The following BAX variants were observed in gnomAD, a reference collection of about 807,000 sequenced individuals.
The protein encoded by BAX is apoptosis regulator BAX.
A neutral mutation model predicts 26.8 loss-of-function variants in BAX; 21 were observed. The ratio of observed to expected loss-of-function variants is 0.78; its 90% CI spans 0.56 to 1.13. The LOEUF (loss-of-function observed/expected upper bound fraction) is 1.13. Ranked by LOEUF, BAX falls within the 50% of genes most tolerant of loss-of-function variation. BAX has a pLI of 0.00. For missense variants in BAX, 236 were observed against 254.6 expected (o/e 0.93, Z 0.50); for synonymous variants, 110 against 101.8 (o/e 1.08, Z -0.49).
chr19:48,957,265 C>CTTTTTTTTTTTTTTTTTT (rs61415800), intron 4 of BAX, among the ~76,000 whole-genome samples: 1 of 54,934 alleles, frequency 1.8e-5, no homozygotes, highest in Non-Finnish European at 3.1e-5. Flanking sequence ...TTTTTCTTTT[C>CTTTTTTTTTTTTTTTTTT]TTTTTTTTTT....
At chr19:48,961,164 G>T in intron 5 of BAX, 1 of 1,527,844 alleles carries the variant, frequency 6.5e-7, no homozygotes, top group East Asian at 2.3e-5. Context: ...ACCTTGACTT[G>T]ATTAGTGCCT....
At chr19:48,958,095 A>T (rs199580952) in intron 4 of BAX, among the ~76,000 whole-genome samples, 1 of 145,182 alleles carries the variant, frequency 6.9e-6, no homozygotes, top group African/African-American at 2.5e-5. Flanking sequence ...CGGGGGGGGC[A>T]TTTTTTTTTT....
Position 48,959,287 on chromosome 19 carries a change from T to C in BAX, c.370-1523T>C, listed in dbSNP as rs549456430. ...ATGGCGTGAACTGGGAGGCGGAGTT[T>C]GCAGTGAGCTGAGATTGCACCACTG... On this transcript the variant is annotated intron_variant, in intron 4 of 5. Transcript: ENST00000345358. Among the ~76,000 whole-genome samples the C allele has an allele frequency of 1.3e-4, 19 of 145,658 alleles. No individual in the cohort carries two copies. The South Asian group carries it at 4.1e-3, about 32-fold the overall frequency.
Position 48,955,686 on chromosome 19 carries a change from G to A in BAX, c.87-1G>A. 1 of 1,612,158 alleles carries A rather than the reference G, an allele frequency of 6.2e-7. No individual in the cohort carries two copies. Among genetic ancestry groups the A allele is most frequent in the Non-Finnish European group, 8.5e-7 (1 of 1,178,788 alleles). On this transcript the variant is annotated splice_acceptor_variant, in intron 2 of 5. Coordinates refer to ENST00000345358, the MANE Select transcript of BAX (RefSeq NM_138761.4). LOFTEE classifies it high-confidence loss of function. ...GCACCCTCACTCCATCCCCACTCTAGTTTCATCCAGGATCGAGCAGGGCGA... is the reference window on the plus strand; with the variant it reads ...GCACCCTCACTCCATCCCCACTCTAATTTCATCCAGGATCGAGCAGGGCGA...
At chr19:48,960,984 C>T (rs1288106290) in intron 5 of BAX, 70 bp downstream of exon 5, 4 of 1,612,328 alleles carry the variant, frequency 2.5e-6, no homozygotes, top group Non-Finnish European at 3.4e-6. Flanking sequence ...ACCGTCCCTG[C>T]CCCCCGCCAC....
rs371147985 is a variant in BAX, at chr19:48,956,193, T to C, written c.234-5T>C. 5.2e-6 allele frequency: 8 copies of C among 1,526,002 alleles called. No homozygotes were observed. The highest frequency in any genetic ancestry group is 1.7e-4 in the Middle Eastern group (1 of 5,716). 94.5% of individuals were successfully genotyped at this position (1,526,002 alleles called of 1,614,324 possible). A position where few individuals can be genotyped will look rare whatever the true frequency, so the allele number is the denominator to read the frequency against. On this transcript the variant is annotated splice_polypyrimidine_tract_variant and splice_region_variant and intron_variant, in intron 3 of 5. Transcript: ENST00000345358. ...CCCCGGCACTGGTTCTCCTCTCTCC[T>C]GCAGGATGATTGCCGCCGTGGACAC...
chr19:48,960,092 A>ATC (rs1314261671), intron 4 of BAX: 1 of 327,490 alleles, frequency 3.1e-6, no homozygotes, highest in Non-Finnish European at 6.0e-6. Flanking sequence ...TGTGGGCTGC[A>ATC]CTGTGCCTTC....
intron 4 of BAX, chr19:48,960,484 C>A (rs1344828680): frequency 5.7e-6 from 2 of 349,382 alleles, no homozygotes; most frequent in African/African-American, 4.3e-5. Flanking sequence ...CTGCCTCAGA[C>A]TCCCAAGTAG....
chr19:48,959,412 T>G (rs1271001328), intron 4 of BAX, among the ~76,000 whole-genome samples: 1 of 145,148 alleles, frequency 6.9e-6, no homozygotes, highest in African/African-American at 2.6e-5. Context: ...CCCTGAGAGC[T>G]GAAGGGTAAG....
rs556184855 is a variant in BAX, at chr19:48,957,426, C to G, written c.369+1093C>G. ...AGTAGCTAGAATTACAGGCACACAC[C>G]ACCATGCCTGGCTAGTTTTTGTATT... On this transcript the variant is annotated intron_variant, in intron 4 of 5. Transcript: ENST00000345358. 4.7e-5 allele frequency among the ~76,000 whole-genome samples: 7 copies of G among 150,480 alleles called. No individual in the cohort carries two copies. The East Asian group carries it at 1.4e-3, about 30-fold the overall frequency.
chr19:48,960,686 C>T (rs1228066667), intron 4 of BAX, 124 bp from the exon 5 acceptor site: 1 of 901,568 alleles, frequency 1.1e-6, no homozygotes, highest in Non-Finnish European at 1.7e-6. Context: ...TTGAAGCCGA[C>T]TTCAATTGTG....
At chr19:48,961,386 C>G (rs1029709026) in intron 5 of BAX, 146 bp from the exon 6 acceptor site, 1 of 1,176,938 alleles carries the variant, frequency 8.5e-7, no homozygotes, top group Non-Finnish European at 1.2e-6. Flanking sequence ...CATGCCTGGC[C>G]TGAGTCCAGC....
chr19:48,955,743 A>G lies in BAX; in HGVS notation c.143A>G (p.Asp48Gly). 1 of 1,613,066 alleles carries G rather than the reference A, an allele frequency of 6.2e-7. No individual in the cohort carries two copies. The highest frequency in any genetic ancestry group is 8.5e-7 in the Non-Finnish European group (1 of 1,179,616). ...MGGEAPELALDPVPQDASTKK... is the reference protein window; with the variant it reads ...MGGEAPELALGPVPQDASTKK... ...GGGGAGGCACCCGAGCTGGCCCTGG[A>G]CCCGGTGCCTCAGGATGCGTCCACC... Residue 48 changes from aspartate (D) to glycine (G), a missense_variant, in exon 3 of 6, where the codon GAC becomes GGC. Coordinates refer to ENST00000345358, the MANE Select transcript of BAX (RefSeq NM_138761.4).
intron 4 of BAX, among the ~76,000 whole-genome samples, chr19:48,960,580 C>G (rs1406950318): frequency 6.6e-6 from 1 of 152,212 alleles, no homozygotes; most frequent in Non-Finnish European, 1.5e-5. Flanking sequence ...TCAGGCTGGT[C>G]TTGAACTCCC....
intron 4 of BAX, among the ~76,000 whole-genome samples, chr19:48,957,265 C>CTTTTTTTTTTTTTTTTTTTTTTTTTTT (rs61415800): frequency 1.8e-5 from 1 of 54,934 alleles, no homozygotes; most frequent in African/African-American, 7.9e-5. Flanking sequence ...TTTTTCTTTT[C>CTTTTTTTTTTTTTTTTTTTTTTTTTTT]TTTTTTTTTT....
rs565301904 is a variant in BAX at position 48,955,265 on chromosome 19, G to A, written c.35-283G>A. ...CACTTCCTGCCTCTGGCACTGGTGG[G>A]AGGGGCGGGTCTCGCCTCTGCCCCC... On this transcript the variant is annotated intron_variant, in intron 1 of 5. Transcript: ENST00000345358. The A allele has an allele frequency of 7.2e-6, 3 of 418,898 alleles. No homozygotes were observed. In the East Asian group the frequency reaches 1.1e-4, roughly 15 times the overall value. The allele number at this position is 418,898 out of a possible 1,614,324, so 25.9% of individuals were successfully genotyped here.
In BAX at chr19:48,961,566, G is replaced by A; in HGVS notation, c.509G>A (p.Trp170Ter). ...GLLSYFGTPT[W>*]QTVTIFVAGV... ...CTCTCCTACTTTGGGACGCCCACGTGGCAGACCGTGACCATCTTTGTGGCG... is the reference window on the plus strand; with the variant it reads ...CTCTCCTACTTTGGGACGCCCACGTAGCAGACCGTGACCATCTTTGTGGCG... Residue 170 changes from tryptophan to a stop codon, truncating the protein, a stop_gained, in exon 6 of 6, where the codon TGG becomes TAG. Coordinates refer to ENST00000345358, the MANE Select transcript of BAX (RefSeq NM_138761.4). LOFTEE classifies it high-confidence loss of function. The A allele has an allele frequency of 6.2e-7, 1 of 1,611,670 alleles. No individual in the cohort carries two copies. The highest frequency in any genetic ancestry group is 8.5e-7 in the Non-Finnish European group (1 of 1,179,024).
At chr19:48,961,369 G>A in intron 5 of BAX, 163 bp from the exon 6 acceptor site, 3 of 1,222,884 alleles carry the variant, frequency 2.5e-6, no homozygotes, top group Non-Finnish European at 3.3e-6. Context: ...TTACAGGTGT[G>A]AGCCACCATG....
At chr19:48,955,939 C>T (rs2038111403) in intron 3 of BAX, 106 bp downstream of exon 3, 1 of 1,390,684 alleles carries the variant, frequency 7.2e-7, no homozygotes, top group African/African-American at 1.5e-5. Flanking sequence ...AGTCTGGGCC[C>T]CACAACTCAG....
Sources: allele counts gnomAD v4.1 joint callset (sites outside exome capture counted in the v4.1 genomes callset), GRCh38; gene constraint gnomAD v4.1.1; transcripts MANE v1.5; gene names NCBI Gene and HGNC (gene_info 2026-07-23, HGNC 2026-07-21).